The following PGS1 variants were observed in gnomAD, a reference collection of about 807,000 sequenced individuals.
The protein encoded by PGS1 is CDP-diacylglycerol--glycerol-3-phosphate 3-phosphatidyltransferase, mitochondrial.
Under a neutral mutation model 58.3 loss-of-function variants are expected in PGS1, and 44 were observed. The ratio of observed to expected loss-of-function variants is 0.75; its 90% CI spans 0.59 to 0.97. The LOEUF is 0.97. Among genes scored for constraint, PGS1 ranks in the 50% least tolerant of loss-of-function variants. PGS1 has a pLI of 0.00. For synonymous variants in PGS1, 330 were observed against 311.0 expected (o/e 1.06, Z -0.64); for missense variants, 684 against 731.1 (o/e 0.94, Z 0.74).
chr17:78,423,843 C>T (rs777476607), intron 9 of PGS1: 171 of 1,590,178 alleles, frequency 1.1e-4, no homozygotes, highest in Admixed American at 2.1e-4. Flanking sequence ...GTCACAGGTG[C>T]ACAGGTGAAG....
At chr17:78,408,155 G>C (rs928926194) in intron 7 of PGS1, among the ~76,000 whole-genome samples, 1 of 152,102 alleles carries the variant, frequency 6.6e-6, no homozygotes, top group Admixed American at 6.5e-5. Context: ...TCAATAAATT[G>C]AGCTGTTTCA....
At chr17:78,398,606 G>T (rs1307523530) in intron 4 of PGS1, among the ~76,000 whole-genome samples, 1 of 152,242 alleles carries the variant, frequency 6.6e-6, no homozygotes, top group Non-Finnish European at 1.5e-5. Context: ...GGGAGGCTGA[G>T]GTGGGAGGAT....
At position 78,420,970 on chromosome 17, in the gene PGS1, A is replaced by AATGGTGTTCACAATT. The variant is rs1318001666; in HGVS notation, c.*10+1296_*10+1310dup. The AATGGTGTTCACAATT allele has an allele frequency of 7.9e-5, 12 of 152,332 alleles. No individual in the cohort carries two copies. In the East Asian group the frequency reaches 9.6e-4, roughly 12 times the overall value. The allele number at this position is 152,332 out of a possible 1,614,324, so 9.4% of individuals were successfully genotyped here. A position where few individuals can be genotyped will look rare whatever the true frequency, so the allele number is the denominator to read the frequency against. ...ATGTCTTAGTATCATCAAATACCTA[A>AATGGTGTTCACAATT]ATGGTGTTCACAATTCCACTTGCCT... On this transcript the variant is annotated intron_variant, in intron 9 of 9. Coordinates refer to ENST00000262764, the MANE Select transcript of PGS1 (RefSeq NM_024419.5).
rs749533004 is a variant in PGS1 at position 78,392,521 on chromosome 17, C to T, written c.189C>T (p.Pro63=). The part of the protein sequence containing the change: ...LLAPLLSPAV[P]QVTSPPCCLC... ...CTCCCTTGCTGTCCCCAGCTGTTCC[C>T]CAGGTCACCTCCCCACCTTGCTGCC... is the stretch of plus-strand genomic sequence containing the variant. The change falls in exon 2 of 10, where the codon CCC becomes CCT. Residue 63 remains proline, a synonymous_variant. Coordinates refer to ENST00000262764, the MANE Select transcript of PGS1 (RefSeq NM_024419.5). The T allele has an allele frequency of 1.9e-6, 3 of 1,613,994 alleles. No individual in the cohort carries two copies. The highest frequency in any genetic ancestry group is 2.2e-5 in the East Asian group (1 of 44,874).
In PGS1 at chr17:78,392,666, G is replaced by GT; in HGVS notation, c.333+2dup. The GT allele has an allele frequency of 6.2e-7, 1 of 1,613,338 alleles. No homozygotes were observed. Among genetic ancestry groups the GT allele is most frequent in the Non-Finnish European group, 8.5e-7 (1 of 1,179,500 alleles). ...GGCAGAGTTTTTCGAGCTCATGAAG[G>GT]TAAGTGGTATCTAAAGGAAAGAAGT... On this transcript the variant is annotated splice_donor_variant, in intron 2 of 9. Transcript: ENST00000262764. LOFTEE classifies it high-confidence loss of function.
intron 7 of PGS1, among the ~76,000 whole-genome samples, chr17:78,411,222 A>AGTGGTGGGCG (rs2084661919): frequency 1.3e-5 from 2 of 152,158 alleles, no homozygotes; most frequent in African/African-American, 4.8e-5. Flanking sequence ...CAGCAGGGGC[A>AGTGGTGGGCG]CTGGGAGTGG....
chr17:78,415,767 G>C (rs2085128756), intron 8 of PGS1, among the ~76,000 whole-genome samples: 1 of 152,240 alleles, frequency 6.6e-6, no homozygotes, highest in African/African-American at 2.4e-5. Context: ...GATGACCTGT[G>C]ACAGTGTGGT....
In PGS1 at chr17:78,403,556, C is replaced by T. The variant is rs374901526; in HGVS notation, c.881-12C>T. On this transcript the variant is annotated splice_polypyrimidine_tract_variant and intron_variant, in intron 6 of 9. Coordinates refer to ENST00000262764, the MANE Select transcript of PGS1 (RefSeq NM_024419.5). ...TTCTCTTCCCTTCACTCTTCTTTCA[C>T]GTCTTCCCCAGGGGACCGGGCCGAG... The T allele has an allele frequency of 1.3e-5, 21 of 1,605,096 alleles. No individual in the cohort carries two copies. In the East Asian group the frequency reaches 2.9e-4, roughly 22 times the overall value.
Position 78,414,383 on chromosome 17 carries a change from G to A in PGS1, c.1403-496G>A, listed in dbSNP as rs145119732. ...TGAGGTGGCTGCTTCTGAGAAGCAC[G>A]CGTGAGCTGATTCTCAGTGCTCACA... On this transcript the variant is annotated intron_variant, in intron 7 of 9. Transcript: ENST00000262764. Among the ~76,000 whole-genome samples, 13 of 152,312 alleles carry A rather than the reference G, an allele frequency of 8.5e-5. 1 individual carries two copies. In the East Asian group the frequency reaches 2.5e-3, roughly 29 times the overall value.
At chr17:78,407,619 A>G (rs762051356) in intron 7 of PGS1, among the ~76,000 whole-genome samples, 6 of 152,254 alleles carry the variant, frequency 3.9e-5, no homozygotes, top group Non-Finnish European at 8.8e-5. Flanking sequence ...CAGGTCCTGT[A>G]GGACAGGCCT....
intron 7 of PGS1, among the ~76,000 whole-genome samples, chr17:78,410,386 G>A (rs920977818): frequency 6.7e-5 from 10 of 149,880 alleles, no homozygotes; most frequent in African/African-American, 2.4e-4. Flanking sequence ...CCAAGATCGC[G>A]CCATTGCATT....
At chr17:78,386,710 C>T (rs12948394) in intron 1 of PGS1, among the ~76,000 whole-genome samples, 70,568 of 151,948 alleles carry the variant, frequency 0.46, 16,581 homozygotes, top group African/African-American at 0.52. Flanking sequence ...ATTGAGCTTG[C>T]GCAGGTGGTC....
Position 78,392,755 on chromosome 17 carries a change from T to C in PGS1, c.333+90T>C, listed in dbSNP as rs76148209. On this transcript the variant is annotated intron_variant, in intron 2 of 9. Coordinates refer to ENST00000262764, the MANE Select transcript of PGS1 (RefSeq NM_024419.5). Reference sequence around the variant, plus strand: ...TGAGTGCTTTCTAGTCTAGAAACTTTGGATAGCTGCTCAAGCTTATTCCTT... The same window carrying C: ...TGAGTGCTTTCTAGTCTAGAAACTTCGGATAGCTGCTCAAGCTTATTCCTT... 4.9e-3 allele frequency: 4,749 copies of C among 968,508 alleles called. 158 individuals carry two copies. The African/African-American group carries it at 0.071, about 14-fold the overall frequency. 60.0% of individuals were successfully genotyped at this position (968,508 alleles called of 1,614,324 possible).
intron 2 of PGS1, among the ~76,000 whole-genome samples, chr17:78,395,295 C>T (rs954328543): frequency 6.6e-6 from 1 of 152,198 alleles, no homozygotes; most frequent in Non-Finnish European, 1.5e-5. Flanking sequence ...CCCCCACAAA[C>T]ATCTGTTTTA....
intron 7 of PGS1, among the ~76,000 whole-genome samples, chr17:78,405,338 A>G (rs1253055727): frequency 6.6e-6 from 1 of 152,116 alleles, no homozygotes; most frequent in East Asian, 1.9e-4. Flanking sequence ...ATTAGGGATC[A>G]TTTGTTTTGG....
At chr17:78,385,671 C>G (rs2082334257) in intron 1 of PGS1, among the ~76,000 whole-genome samples, 1 of 152,180 alleles carries the variant, frequency 6.6e-6, no homozygotes, top group South Asian at 2.1e-4. Flanking sequence ...CATCTGCCTG[C>G]TCGGCCTCTG....
intron 9 of PGS1, chr17:78,420,708 A>G (rs1014044216): frequency 2.0e-5 from 3 of 152,138 alleles, no homozygotes; most frequent in African/African-American, 7.3e-5. Flanking sequence ...AGCTTTTCCT[A>G]GTTATTTTAA....
intron 7 of PGS1, among the ~76,000 whole-genome samples, chr17:78,412,151 G>A (rs998776042): frequency 3.9e-5 from 6 of 152,066 alleles, no homozygotes; most frequent in Non-Finnish European, 8.8e-5. Flanking sequence ...ATGCTGGGGT[G>A]TGGGCATCTC....
intron 8 of PGS1, among the ~76,000 whole-genome samples, chr17:78,418,219 C>T (rs6501209): frequency 0.49 from 75,062 of 151,806 alleles, 19,414 homozygotes; most frequent in East Asian, 0.74. Flanking sequence ...TGTGAGCCAC[C>T]GCGCCCGGCC....
Sources: gnomAD v4.1 joint callset for allele counts (sites outside exome capture counted in the v4.1 genomes callset) on GRCh38, gnomAD v4.1.1 for gene constraint, MANE v1.5 for transcripts, NCBI Gene and HGNC (gene_info 2026-07-23, HGNC 2026-07-21) for gene names.